Variants in SOHLH1 observed in about 807,000 individuals in gnomAD.
The protein encoded by SOHLH1 is spermatogenesis- and oogenesis-specific basic helix-loop-helix-containing protein 1.
SOHLH1 carries 23 observed loss-of-function variants against 36.2 expected under a neutral mutation model. The ratio of observed to expected loss-of-function variants is 0.64; its 90% confidence interval spans 0.46 to 0.90. The LOEUF (loss-of-function observed/expected upper bound fraction) is 0.90. Ranked by LOEUF, SOHLH1 falls within the 40% of genes least tolerant of loss-of-function variation. The pLI is 0.00. For synonymous variants in SOHLH1, 289 were observed against 228.3 expected, an observed-to-expected ratio of 1.27 and a Z score of -2.40; for missense variants, 608 against 517.0, an observed-to-expected ratio of 1.18 and a Z score of -1.71.
At chr9:135,696,568 G>T in intron 5 of SOHLH1, 44 bp downstream of exon 5, 2 of 1,603,024 alleles carry the variant, frequency 1.2e-6, no homozygotes, top group Non-Finnish European at 1.7e-6. Flanking sequence ...GCCTGGCGCC[G>T]CTCCCCAGGC....
At chr9:135,699,486 C>T (rs200447810), upstream of SOHLH1, 7 of 1,609,208 alleles carry the variant, frequency 4.3e-6, no homozygotes, top group South Asian at 4.4e-5. Context: ...AGCTGCGGAG[C>T]GACCCCACGC....
In SOHLH1 at chr9:135,693,963, C is replaced by G. The variant is rs149710928; in HGVS notation, c.947-149G>C. On this transcript the variant is annotated intron_variant, in intron 7 of 7. Coordinates refer to ENST00000425225, the MANE Select transcript of SOHLH1 (RefSeq NM_001101677.2). The stretch of plus-strand genomic sequence containing the variant: ...CAGAGGCTGTGATGAGGTGGGTGAG[C>G]TCATACCTGGTGGCCCCAGACCCAG... 1.3e-5 allele frequency: 19 copies of G among 1,432,926 alleles called. No individual in the cohort carries two copies. The East Asian group carries it at 4.8e-4, about 36-fold the overall frequency. 88.8% of individuals were successfully genotyped at this position (1,432,926 alleles called of 1,614,324 possible). A position where few individuals can be genotyped will look rare whatever the true frequency, so the allele number is the denominator to read the frequency against.
rs1834717043 is a variant in SOHLH1 at position 135,694,604 on chromosome 9, G to C, written c.876-147C>G. ...TGACAGGCTCCACCCTGCCCAGCGG[G>C]GAGAAATGCAGAGGCCACAGCCGCT... On this transcript the variant is annotated intron_variant, in intron 6 of 7. Transcript: ENST00000425225. 4.2e-6 allele frequency: 5 copies of C among 1,196,718 alleles called. No homozygotes were observed. In the East Asian group the frequency reaches 1.3e-4, roughly 31 times the overall value. The allele number at this position is 1,196,718 out of a possible 1,614,324, so 74.1% of individuals were successfully genotyped here.
At position 135,693,618 on chromosome 9, in the gene SOHLH1, G is replaced by A. The variant is rs1209359572; in HGVS notation, c.1143C>T (p.Phe381=). The part of the protein sequence containing the change: ...LALKDEVESI[F]PDFFAC ...GCTGCTAGCAGGCAAAGAAGTCAGG[G>A]AAGATGCTCTCCACCTCGTCCTTCA... Residue 381 remains phenylalanine (F), a synonymous_variant, in exon 8 of 8, where the codon TTC becomes TTT. Transcript: ENST00000425225. 1.3e-6 allele frequency: 2 copies of A among 1,581,482 alleles called. No homozygotes were observed. The highest frequency in any genetic ancestry group is 1.3e-5 in the African/African-American group (1 of 74,176).
rs1022384986 is a variant in SOHLH1, at chr9:135,693,489, G to C, written c.*108C>G. 1.7e-5 allele frequency: 24 copies of C among 1,387,894 alleles called. No homozygotes were observed. The highest frequency in any genetic ancestry group is 2.2e-5 in the Non-Finnish European group (23 of 1,038,676). 86.0% of individuals were successfully genotyped at this position (1,387,894 alleles called of 1,614,324 possible). ...CAGCCTGTAAGCCTCGCTCAAATTA[G>C]GGTGCAGCTGCAACCCAAACCCAAA... On this transcript the variant is annotated 3_prime_UTR_variant, in exon 8 of 8. Transcript: ENST00000425225.
chr9:135,694,882 T>C (rs1487510584), intron 6 of SOHLH1, among the ~76,000 whole-genome samples, 168 bp downstream of exon 6: 1 of 152,252 alleles, frequency 6.6e-6, no homozygotes, highest in African/African-American at 2.4e-5. Context: ...TGGCTGGTCC[T>C]GTCCTGGGCT....
chr9:135,698,171 T>G (rs1040804020), intron 3 of SOHLH1, among the ~76,000 whole-genome samples, 158 bp downstream of exon 3: 2 of 151,946 alleles, frequency 1.3e-5, no homozygotes, highest in Admixed American at 1.3e-4. Flanking sequence ...CTTGAACAAA[T>G]CAGGAAGTGC....
chr9:135,697,948 G>A (rs1834873017), intron 3 of SOHLH1, among the ~76,000 whole-genome samples: 1 of 132,714 alleles, frequency 7.5e-6, no homozygotes, highest in Non-Finnish European at 1.6e-5. Flanking sequence ...AGAGCCCCCA[G>A]AGCCTTGGAG....
upstream of SOHLH1, among the ~76,000 whole-genome samples, chr9:135,701,617 G>C (rs1835037503): frequency 6.6e-6 from 1 of 152,132 alleles, no homozygotes; most frequent in South Asian, 2.1e-4. Context: ...GTGTGTGCCC[G>C]TCTGGGTGAG....
rs771059812 is a variant in SOHLH1, at chr9:135,699,075, C to T, written c.117G>A (p.Ser39=). 4.3e-6 allele frequency: 7 copies of T among 1,610,550 alleles called. No individual in the cohort carries two copies. Among genetic ancestry groups the T allele is most frequent in the South Asian group, 2.2e-5 (2 of 90,990 alleles). Residue 39 remains serine, a synonymous_variant, in exon 2 of 8, where the codon TCG becomes TCA. Transcript: ENST00000425225. ...LSCCEDSARG[S]GPPKAPTVAE... ...CCACCGTAGGGGCCTTGGGCGGGCC[C>T]GAGCCCCGGGCCGAGTCCTCGCAGC...
upstream of SOHLH1, among the ~76,000 whole-genome samples, chr9:135,700,962 C>T (rs184370731): frequency 3.0e-4 from 46 of 152,338 alleles, no homozygotes; most frequent in Admixed American, 2.9e-3. Context: ...GTTGACAACA[C>T]GTGTAATTAC....
upstream of SOHLH1, among the ~76,000 whole-genome samples, chr9:135,700,945 T>G (rs960579387): frequency 3.3e-5 from 5 of 152,318 alleles, no homozygotes; most frequent in Non-Finnish European, 7.4e-5. Context: ...CCTGTGACTC[T>G]CCTGCCGTTG....
Position 135,696,789 on chromosome 9 carries a change from C to T in SOHLH1, c.484G>A (p.Ala162Thr). The T allele has an allele frequency of 6.2e-7, 1 of 1,613,036 alleles. No individual in the cohort carries two copies. Among genetic ancestry groups the T allele is most frequent in the Non-Finnish European group, 8.5e-7 (1 of 1,180,000 alleles). ...AGGGACCAAGGACTTTCCAGAAACG[C>T]CTTCACATCTGGGGTTCTAGAAGGA... ...SSGTRTPDVK[A>T]FLESPWSLDP... Residue 162 changes from alanine (A) to threonine (T), a missense_variant, in exon 5 of 8, where the codon GCG (alanine) becomes ACG (threonine). Transcript: ENST00000425225.
At position 135,697,617 on chromosome 9, in the gene SOHLH1, G is replaced by A. The variant is rs146595410; in HGVS notation, c.356C>T (p.Ser119Phe). Residue 119 changes from serine to phenylalanine, a missense_variant, in exon 4 of 8, where the codon TCC becomes TTC. Ser to Phe is a radical substitution (Grantham distance 155, BLOSUM62 -2). Coordinates refer to ENST00000425225, the MANE Select transcript of SOHLH1 (RefSeq NM_001101677.2). ...CAACGAGTGCCACATTTCCTTGGAG[G>A]AAGCAAGAATCTGAAATTTAAGTAA... ...PSQEQHAILA[S>F]SKEMWHSLQE... The A allele has an allele frequency of 1.4e-4, 225 of 1,611,626 alleles. No homozygotes were observed. The highest frequency in any genetic ancestry group is 1.8e-4 in the Non-Finnish European group (209 of 1,179,316).
At position 135,695,054 on chromosome 9, in the gene SOHLH1, C is replaced by A; in HGVS notation, c.871G>T (p.Ala291Ser). The A allele has an allele frequency of 6.3e-7, 1 of 1,592,424 alleles. No homozygotes were observed. The highest frequency in any genetic ancestry group is 1.1e-5 in the South Asian group (1 of 87,698). Residue 291 changes from alanine to serine, a missense_variant, in exon 6 of 8, where the codon GCC becomes TCC. Physicochemically the swap from Ala to Ser is moderately conservative, Grantham distance 99. Coordinates refer to ENST00000425225, the MANE Select transcript of SOHLH1 (RefSeq NM_001101677.2). ...GCACACCACCTGGGCACTCACCCGGCCTCCTGCGCCAGCATGGGGTCCTCC... is the reference window on the plus strand; with the variant it reads ...GCACACCACCTGGGCACTCACCCGGACTCCTGCGCCAGCATGGGGTCCTCC... ...AKEDPMLAQE[A>S]GSALGSDVDD...
chr9:135,697,287 C>T (rs918182293), intron 4 of SOHLH1, among the ~76,000 whole-genome samples: 1 of 152,188 alleles, frequency 6.6e-6, no homozygotes, highest in African/African-American at 2.4e-5. Context: ...AGCCCAGGCC[C>T]TCAATTCTGC....
intron 3 of SOHLH1, 93 bp from the exon 4 acceptor site, chr9:135,697,720 G>C (rs558581081): frequency 6.8e-7 from 1 of 1,480,728 alleles, no homozygotes. Context: ...AGGGCCTGGA[G>C]GGTCACTGTG....
Position 135,694,358 on chromosome 9 carries a change from A to G in SOHLH1, c.946+29T>C, listed in dbSNP as rs774909659. ...TCATATCAGGTGCTTACGCGGGGGGACCAGCCCTGAACCCAGGGCCCCACT... is the reference window on the plus strand; with the variant it reads ...TCATATCAGGTGCTTACGCGGGGGGGCCAGCCCTGAACCCAGGGCCCCACT... On this transcript the variant is annotated intron_variant, in intron 7 of 7. Transcript: ENST00000425225. 8 of 1,611,718 alleles carry G rather than the reference A, an allele frequency of 5.0e-6. No homozygotes were observed. In the African/African-American group the frequency reaches 5.3e-5, roughly 11 times the overall value.
upstream of SOHLH1, among the ~76,000 whole-genome samples, chr9:135,701,926 G>A (rs919738872): frequency 6.6e-6 from 1 of 152,196 alleles, no homozygotes; most frequent in Non-Finnish European, 1.5e-5. Flanking sequence ...TCCCAGGGGT[G>A]TAGGGCCCGG....
Sources: allele counts gnomAD v4.1 joint callset (sites outside exome capture counted in the v4.1 genomes callset), GRCh38; gene constraint gnomAD v4.1.1; transcripts MANE v1.5; gene names NCBI Gene and HGNC (gene_info 2026-07-23, HGNC 2026-07-21).